The following CSMD1 variants were observed in gnomAD, a reference collection of about 807,000 sequenced individuals.
The protein encoded by CSMD1 is CUB and Sushi multiple domains 1.
A neutral mutation model predicts 417.5 loss-of-function variants in CSMD1; 213 were observed. The observed-to-expected ratio is 0.51, with a 90% CI of 0.46 to 0.57. The LOEUF (loss-of-function observed/expected upper bound fraction) is 0.57, where lower values mean the gene tolerates loss of function less well. Among genes scored for constraint, CSMD1 ranks in the 20% least tolerant of loss-of-function variants. CSMD1 has a pLI of 0.00. For missense variants in CSMD1, 6,923 were observed against 4,529.7 expected, an observed-to-expected ratio of 1.53 and a Z score of -15.17; for synonymous variants, 2,862 against 1,736.8, an observed-to-expected ratio of 1.65 and a Z score of -16.11.
intron 1 of CSMD1, among the ~76,000 whole-genome samples, chr8:4,847,803 G>A (rs1027813676): frequency 6.9e-6 from 1 of 145,130 alleles, no homozygotes; most frequent in African/African-American, 2.6e-5. Context: ...TTGACGGCTT[G>A]AGATATAAGT....
intron 3 of CSMD1, among the ~76,000 whole-genome samples, chr8:4,313,299 T>G (rs2128879973): frequency 6.6e-6 from 1 of 152,178 alleles, no homozygotes; most frequent in South Asian, 2.1e-4. Flanking sequence ...AAGAATCTGG[T>G]TAATAGCTAG....
chr8:4,884,029 G>GAATGTCAAATAGCCTT (rs1803572621), intron 1 of CSMD1, among the ~76,000 whole-genome samples: 1 of 151,976 alleles, frequency 6.6e-6, no homozygotes, highest in Non-Finnish European at 1.5e-5. Context: ...AGCCTTCGTA[G>GAATGTCAAATAGCCTT]TGAATGTCAA....
At chr8:4,533,382 G>A (rs1455701993) in intron 2 of CSMD1, among the ~76,000 whole-genome samples, 1 of 152,182 alleles carries the variant, frequency 6.6e-6, no homozygotes, top group Non-Finnish European at 1.5e-5. Context: ...TCCCAGAGCT[G>A]TGAGATCCAT....
intron 1 of CSMD1, among the ~76,000 whole-genome samples, chr8:4,858,199 T>G (rs1801917974): frequency 6.7e-6 from 1 of 148,768 alleles, no homozygotes; most frequent in Non-Finnish European, 1.5e-5. Context: ...AAAAAGCCTT[T>G]GACAAAATTC....
At chr8:4,003,765 G>A (rs75683474) in intron 4 of CSMD1, among the ~76,000 whole-genome samples, 11 of 152,180 alleles carry the variant, frequency 7.2e-5, no homozygotes, top group Admixed American at 5.2e-4. Flanking sequence ...CATATACGCC[G>A]GCAAATTACT....
At chr8:4,288,376 T>G (rs79166477) in intron 3 of CSMD1, among the ~76,000 whole-genome samples, 2,792 of 152,278 alleles carry the variant, frequency 0.018, 47 homozygotes, top group Non-Finnish European at 0.028. Context: ...CCAGAGAGGC[T>G]ATCTTACAAG....
chr8:3,502,642 A>C (rs749945797), intron 10 of CSMD1, among the ~76,000 whole-genome samples: 1 of 152,202 alleles, frequency 6.6e-6, no homozygotes, highest in South Asian at 2.1e-4. Flanking sequence ...TTTCAACTGC[A>C]TGACATTTCG....
intron 10 of CSMD1, among the ~76,000 whole-genome samples, chr8:3,537,743 C>G (rs1324343519): frequency 1.3e-5 from 2 of 152,100 alleles, no homozygotes; most frequent in Non-Finnish European, 2.9e-5. Context: ...AAGTTTTTAA[C>G]TATTTTATTT....
chr8:3,573,585 C>T (rs970938586), intron 10 of CSMD1, among the ~76,000 whole-genome samples: 1 of 152,078 alleles, frequency 6.6e-6, no homozygotes, highest in South Asian at 2.1e-4. Flanking sequence ...GATTTTAGAA[C>T]TAAAATAAGC....
intron 3 of CSMD1, among the ~76,000 whole-genome samples, chr8:4,198,385 G>A (rs371205357): frequency 3.9e-5 from 6 of 152,194 alleles, no homozygotes; most frequent in African/African-American, 1.2e-4. Context: ...ACACTGTGAT[G>A]GACAGAGACT....
intron 21 of CSMD1, among the ~76,000 whole-genome samples, chr8:3,354,708 T>G (rs1315577540): frequency 2.0e-5 from 3 of 151,792 alleles, no homozygotes; most frequent in South Asian, 2.1e-4. Context: ...AACTAACATT[T>G]TAGCTTAGAA....
chr8:4,302,785 G>A (rs13258448), intron 3 of CSMD1, among the ~76,000 whole-genome samples: 9,945 of 152,110 alleles, frequency 0.065, 827 homozygotes, highest in African/African-American at 0.19. Flanking sequence ...AGTTGGCACC[G>A]TCAGCCCCTC....
At chr8:4,035,195 G>A (rs541210593) in intron 3 of CSMD1, among the ~76,000 whole-genome samples, 6 of 152,054 alleles carry the variant, frequency 3.9e-5, no homozygotes, top group Non-Finnish European at 7.4e-5. Flanking sequence ...TCATGAGGTC[G>A]TAGTGCCAGC....
At chr8:4,565,766 A>G (rs926312585) in intron 2 of CSMD1, among the ~76,000 whole-genome samples, 7 of 14,052 alleles carry the variant, frequency 5.0e-4, no homozygotes, top group Non-Finnish European at 1.2e-3. Flanking sequence ...ATATATATAT[A>G]TATATATATA....
intron 23 of CSMD1, among the ~76,000 whole-genome samples, chr8:3,312,165 A>G (rs1805400571): frequency 6.6e-6 from 1 of 152,188 alleles, no homozygotes; most frequent in African/African-American, 2.4e-5. Flanking sequence ...CTTGGGTTGC[A>G]TTTTGTACAG....
intron 1 of CSMD1, chr8:4,787,316 C>A: frequency 1.4e-6 from 1 of 716,620 alleles, no homozygotes; most frequent in Non-Finnish European, 2.6e-6. Context: ...TCGCAGCCCT[C>A]AGCCCACTCA....
intron 1 of CSMD1, among the ~76,000 whole-genome samples, chr8:4,861,293 C>G (rs527698290): frequency 1.3e-5 from 2 of 152,190 alleles, no homozygotes; most frequent in South Asian, 4.1e-4. Context: ...ACAGTATGCA[C>G]ATAATCGTGA....
intron 1 of CSMD1, among the ~76,000 whole-genome samples, chr8:4,908,580 G>A (rs763892159): frequency 1.9e-4 from 29 of 150,644 alleles, no homozygotes; most frequent in Admixed American, 2.7e-4. Context: ...TCATTTCAAT[G>A]TAGAGAGTTT....
intron 49 of CSMD1, among the ~76,000 whole-genome samples, chr8:3,078,836 G>C (rs950609732): frequency 2.0e-5 from 3 of 152,112 alleles, no homozygotes; most frequent in African/African-American, 2.4e-5. Context: ...CCAACCAATA[G>C]GTTTGCACCA....
Sources: allele counts gnomAD v4.1 joint callset (sites outside exome capture counted in the v4.1 genomes callset), GRCh38; gene constraint gnomAD v4.1.1; transcripts MANE v1.5; gene names NCBI Gene and HGNC (gene_info 2026-07-23, HGNC 2026-07-21).